DENND1A: variants seen among roughly 807,000 people sequenced by gnomAD.
DENND1A encodes DENN domain containing 1A.
In DENND1A, 51 loss-of-function variants were observed where a neutral mutation model predicts 113.7. That is an observed-to-expected ratio of 0.45 (90% CI 0.36 to 0.57). DENND1A has a LOEUF of 0.57. DENND1A is among the 20% of genes least tolerant of loss of function. The pLI, the probability that DENND1A is intolerant of heterozygous loss-of-function variation, is 0.00. For synonymous variants in DENND1A, 565 were observed against 570.8 expected, an observed-to-expected ratio of 0.99 and a Z score of 0.14; for missense variants, 1,258 against 1,395.9, an observed-to-expected ratio of 0.90 and a Z score of 1.57.
intron 5 of DENND1A, among the ~76,000 whole-genome samples, chr9:123,755,428 G>A (rs1373914208): frequency 1.3e-5 from 2 of 151,700 alleles, no homozygotes; most frequent in Non-Finnish European, 2.9e-5. Context: ...ACAGGAGTGA[G>A]CCCACATGCC....
intron 5 of DENND1A, among the ~76,000 whole-genome samples, chr9:123,695,325 T>C (rs1171308836): frequency 1.3e-5 from 2 of 152,170 alleles, no homozygotes; most frequent in Non-Finnish European, 2.9e-5. Flanking sequence ...ACGCTAAATA[T>C]TATTGAAATT....
At chr9:123,473,215 TGAA>T (rs2049596173) in intron 13 of DENND1A, among the ~76,000 whole-genome samples, 1 of 152,034 alleles carries the variant, frequency 6.6e-6, no homozygotes, top group Non-Finnish European at 1.5e-5. Flanking sequence ...GGAACATTTC[TGAA>T]GAAGAGGCAC....
chr9:123,673,585 G>C, intron 6 of DENND1A, among the ~76,000 whole-genome samples: 1 of 152,196 alleles, frequency 6.6e-6, no homozygotes, highest in South Asian at 2.1e-4. Flanking sequence ...ACCAAGATCT[G>C]GGCACCATGT....
In DENND1A at chr9:123,880,233, G is replaced by A. The variant is rs143756212; in HGVS notation, c.18-1212C>T. Among the ~76,000 whole-genome samples the A allele has an allele frequency of 2.4e-3, 360 of 152,124 alleles. 2 individuals are homozygous for A. Among genetic ancestry groups the A allele is most frequent in the African/African-American group, 8.4e-3 (349 of 41,518 alleles). On this transcript the variant is annotated intron_variant, in intron 1 of 23. Transcript: ENST00000394215. ...TCACCATGTTGGCCAGGCTGGTCTC[G>A]AATTCCTGACCTCAAGTAATCCACC...
chr9:123,704,692 A>G (rs78235437), intron 5 of DENND1A, among the ~76,000 whole-genome samples: 4,041 of 152,294 alleles, frequency 0.027, 66 homozygotes, highest in Non-Finnish European at 0.039. Context: ...ACAGTGTTTA[A>G]TGCATGTAAA....
intron 21 of DENND1A, chr9:123,401,725 G>T: frequency 6.3e-7 from 1 of 1,599,900 alleles, no homozygotes; most frequent in Non-Finnish European, 8.5e-7. Flanking sequence ...TGATAAGCAG[G>T]AAAATGGGAT....
intron 13 of DENND1A, among the ~76,000 whole-genome samples, chr9:123,542,806 C>T (rs552639949): frequency 1.3e-5 from 2 of 152,174 alleles, no homozygotes; most frequent in African/African-American, 4.8e-5. Flanking sequence ...TCTGGCCTCA[C>T]GAACACCACC....
chr9:123,556,030 T>G (rs2057395211), intron 13 of DENND1A, among the ~76,000 whole-genome samples: 2 of 152,236 alleles, frequency 1.3e-5, no homozygotes, highest in African/African-American at 2.4e-5. Context: ...GTCACTGCTT[T>G]GAACCTGATT....
intron 1 of DENND1A, among the ~76,000 whole-genome samples, chr9:123,924,336 T>G (rs1218230102): frequency 1.3e-5 from 2 of 152,164 alleles, no homozygotes; most frequent in African/African-American, 4.8e-5. Context: ...TTAGTGGTAA[T>G]CAATCACCCT....
intron 5 of DENND1A, among the ~76,000 whole-genome samples, chr9:123,733,143 G>C (rs974043598): frequency 6.6e-6 from 1 of 151,844 alleles, no homozygotes; most frequent in African/African-American, 2.4e-5. Flanking sequence ...CACCACACTC[G>C]GCTAATTTTG....
intron 13 of DENND1A, among the ~76,000 whole-genome samples, chr9:123,511,571 T>A (rs754512835): frequency 6.6e-6 from 1 of 152,256 alleles, no homozygotes; most frequent in East Asian, 1.9e-4. Flanking sequence ...CTGACCACCA[T>A]AGCAGCAGCA....
intron 9 of DENND1A, among the ~76,000 whole-genome samples, chr9:123,643,388 G>T (rs7857355): frequency 0.047 from 7,195 of 152,164 alleles, 544 homozygotes; most frequent in African/African-American, 0.16. Flanking sequence ...GCATCCGCTG[G>T]GTAAAACAAA....
At chr9:123,551,986 A>AGAGAGCGAGAGAGAGCGAGAGAGAGC (rs2057078372) in intron 13 of DENND1A, among the ~76,000 whole-genome samples, 1 of 147,948 alleles carries the variant, frequency 6.8e-6, no homozygotes, top group East Asian at 2.0e-4. Context: ...GGAAAGAGAG[A>AGAGAGCGAGAGAGAGCGAGAGAGAGC]GAGAGCGAGA....
intron 2 of DENND1A, among the ~76,000 whole-genome samples, chr9:123,841,387 T>G (rs1271814150): frequency 6.6e-6 from 1 of 152,184 alleles, no homozygotes; most frequent in Non-Finnish European, 1.5e-5. Context: ...CTCCAGTAAT[T>G]TTCATTTTAA....
At chr9:123,524,350 G>A (rs896021143) in intron 13 of DENND1A, among the ~76,000 whole-genome samples, 5 of 152,210 alleles carry the variant, frequency 3.3e-5, no homozygotes, top group South Asian at 2.1e-4. Context: ...TGATATCTGC[G>A]GGTTGGATGG....
At chr9:123,801,976 T>C (rs17290074) in intron 2 of DENND1A, among the ~76,000 whole-genome samples, 3,330 of 152,310 alleles carry the variant, frequency 0.022, 46 homozygotes, top group Middle Eastern at 0.034. Flanking sequence ...CAGTCAATCA[T>C]ACCAACACTT....
intron 10 of DENND1A, among the ~76,000 whole-genome samples, chr9:123,618,484 T>C (rs1329846056): frequency 6.6e-6 from 1 of 152,158 alleles, no homozygotes; most frequent in Admixed American, 6.5e-5. Context: ...GCCAGCAACG[T>C]TGCATGGAGG....
intron 13 of DENND1A, among the ~76,000 whole-genome samples, chr9:123,478,191 A>C (rs1022372852): frequency 6.6e-6 from 1 of 152,246 alleles, no homozygotes. Context: ...CTGAACCCAG[A>C]TAACCAAACT....
At chr9:123,542,961 C>T (rs964379710) in intron 13 of DENND1A, among the ~76,000 whole-genome samples, 1 of 152,226 alleles carries the variant, frequency 6.6e-6, no homozygotes, top group Non-Finnish European at 1.5e-5. Context: ...TCCTGACTGA[C>T]ACACTGATTA....
Sources: gnomAD v4.1 joint callset for allele counts (sites outside exome capture counted in the v4.1 genomes callset) on GRCh38, gnomAD v4.1.1 for gene constraint, MANE v1.5 for transcripts, NCBI Gene and HGNC (gene_info 2026-07-23, HGNC 2026-07-21) for gene names.